The following FAM216A variants were observed in gnomAD, a reference collection of about 807,000 sequenced individuals.
The protein encoded by FAM216A is protein FAM216A.
A neutral mutation model predicts 37.6 loss-of-function variants in FAM216A; 26 were observed. The observed-to-expected ratio is 0.69, with a 90% confidence interval of 0.51 to 0.96. FAM216A has a LOEUF of 0.96. Ranked by LOEUF, FAM216A falls within the 40% of genes least tolerant of loss-of-function variation. FAM216A has a pLI of 0.00. For missense variants in FAM216A, 326 were observed against 339.3 expected (o/e 0.96, Z 0.31); for synonymous variants, 110 against 121.7 (o/e 0.90, Z 0.64).
chr12:110,478,231 G>A (rs1427671450), intron 2 of FAM216A, among the ~76,000 whole-genome samples: 1 of 152,072 alleles, frequency 6.6e-6, no homozygotes. Flanking sequence ...CTTTAAAGAT[G>A]GCTCTTGTTC....
At chr12:110,469,400 G>A (rs2062665746) in intron 1 of FAM216A, 2 of 211,148 alleles carry the variant, frequency 9.5e-6, no homozygotes, top group Non-Finnish European at 9.3e-6. Context: ...GGAGGAAGAT[G>A]TCCCCCGGTT....
At chr12:110,476,040 T>C (rs2062713025) in intron 2 of FAM216A, among the ~76,000 whole-genome samples, 1 of 150,246 alleles carries the variant, frequency 6.7e-6, no homozygotes, top group Admixed American at 6.6e-5. Flanking sequence ...GCCTGGCCTA[T>C]CTTAACTACA....
At position 110,490,004 on chromosome 12, in the gene FAM216A, T is replaced by A; in HGVS notation, c.704-15T>A. ...TTCCAAAACAGACAATTGTAAATTCTTATTTTTCCTTCAGTTTCTTCAGAT... is the reference window on the plus strand; with the variant it reads ...TTCCAAAACAGACAATTGTAAATTCATATTTTTCCTTCAGTTTCTTCAGAT... On this transcript the variant is annotated splice_polypyrimidine_tract_variant and intron_variant, in intron 6 of 6. Coordinates refer to ENST00000377673, the MANE Select transcript of FAM216A (RefSeq NM_013300.3). 2 of 1,171,304 alleles carry A rather than the reference T, an allele frequency of 1.7e-6. No individual in the cohort carries two copies. The highest frequency in any genetic ancestry group is 2.6e-6 in the Non-Finnish European group (2 of 781,952). 72.6% of individuals were successfully genotyped at this position (1,171,304 alleles called of 1,614,324 possible). A position where few individuals can be genotyped will look rare whatever the true frequency, so the allele number is the denominator to read the frequency against.
chr12:110,473,443 C>T (rs2062698026), intron 2 of FAM216A, among the ~76,000 whole-genome samples: 1 of 152,168 alleles, frequency 6.6e-6, no homozygotes, highest in African/African-American at 2.4e-5. Context: ...AGCTCCTGAC[C>T]TCAGGTGATC....
Position 110,469,030 on chromosome 12 carries a change from G to A in FAM216A, c.143+12G>A. ...GGTGGCGGCGGCGGGTGAGGTTGGG[G>A]GCCCCGGGGTAAGGGTGGCAGCATG... On this transcript the variant is annotated intron_variant, in intron 1 of 6. Transcript: ENST00000377673. 3.4e-6 allele frequency: 5 copies of A among 1,458,254 alleles called. No individual in the cohort carries two copies. The highest frequency in any genetic ancestry group is 1.3e-5 in the South Asian group (1 of 74,238). 90.3% of individuals were successfully genotyped at this position (1,458,254 alleles called of 1,614,324 possible). A position where few individuals can be genotyped will look rare whatever the true frequency, so the allele number is the denominator to read the frequency against.
chr12:110,470,925 A>C (rs951507892), intron 1 of FAM216A, among the ~76,000 whole-genome samples: 3 of 152,140 alleles, frequency 2.0e-5, no homozygotes, highest in Non-Finnish European at 4.4e-5. Context: ...CAGAAATACA[A>C]AATAAAATTT....
intron 2 of FAM216A, among the ~76,000 whole-genome samples, chr12:110,484,624 A>C (rs149610664): frequency 2.6e-5 from 4 of 152,020 alleles, no homozygotes; most frequent in Non-Finnish European, 2.9e-5. Flanking sequence ...ATATTTATTT[A>C]CAAGTATCTT....
At chr12:110,484,480 T>C (rs1397656999) in intron 2 of FAM216A, among the ~76,000 whole-genome samples, 1 of 111,300 alleles carries the variant, frequency 9.0e-6, no homozygotes, top group Admixed American at 9.0e-5. Flanking sequence ...TAAATGATAA[T>C]AAAATATTAC....
chr12:110,473,082 G>C lies in FAM216A; in HGVS notation c.148G>C (p.Ala50Pro), dbSNP rs1487159070. The C allele has an allele frequency of 3.9e-6, 6 of 1,550,434 alleles. No individual in the cohort carries two copies. In the Admixed American group the frequency reaches 1.0e-4, roughly 27 times the overall value. The change falls in exon 2 of 7, where the codon GCT becomes CCT. Residue 50 changes from alanine to proline, a missense_variant. Ala to Pro is a conservative substitution (Grantham distance 27). Coordinates refer to ENST00000377673, the MANE Select transcript of FAM216A (RefSeq NM_013300.3). ...AGTEGGGGGS[A>P]GYSCYQNSKG... ...TATGCTTTATTTTTTCAACAGATCA[G>C]CTGGATACTCTTGTTACCAGAATTC...
At chr12:110,472,751 G>A (rs2062693441) in intron 1 of FAM216A, among the ~76,000 whole-genome samples, 1 of 151,978 alleles carries the variant, frequency 6.6e-6, no homozygotes, top group Admixed American at 6.6e-5. Context: ...TTGGGAGGCT[G>A]AGGCAGGCAG....
chr12:110,473,462 T>G (rs1317513997), intron 2 of FAM216A, among the ~76,000 whole-genome samples: 2 of 152,206 alleles, frequency 1.3e-5, no homozygotes, highest in Non-Finnish European at 2.9e-5. Flanking sequence ...TCCACCTGCC[T>G]CCGCCTCCCA....
chr12:110,489,984 A>G (rs2062802709), intron 6 of FAM216A, 35 bp from the exon 7 acceptor site: 1 of 1,040,820 alleles, frequency 9.6e-7, no homozygotes, highest in Non-Finnish European at 1.5e-6. Context: ...TTTATTTCCA[A>G]AACAGACAAT....
chr12:110,477,793 C>T (rs1006169354), intron 2 of FAM216A, among the ~76,000 whole-genome samples: 10 of 151,870 alleles, frequency 6.6e-5, no homozygotes, highest in African/African-American at 1.9e-4. Flanking sequence ...CTGCAAGCTC[C>T]GCCTCCCGGG....
At chr12:110,468,735 C>T (rs770895205), upstream of FAM216A, 1 of 1,491,670 alleles carries the variant, frequency 6.7e-7, no homozygotes, top group Non-Finnish European at 8.9e-7. Flanking sequence ...ACCGTAACTC[C>T]GGGGTCGCGG....
rs1432559028 is a variant in FAM216A at position 110,490,120 on chromosome 12, C to T, written c.805C>T (p.His269Tyr). The T allele has an allele frequency of 2.6e-6, 4 of 1,532,606 alleles. No individual in the cohort carries two copies. Among genetic ancestry groups the T allele is most frequent in the Admixed American group, 1.7e-5 (1 of 59,886 alleles). 94.9% of individuals were successfully genotyped at this position (1,532,606 alleles called of 1,614,324 possible). Residue 269 changes from histidine to tyrosine, a missense_variant, in exon 7 of 7, where the codon CAT (histidine) becomes TAT (tyrosine). Coordinates refer to ENST00000377673, the MANE Select transcript of FAM216A (RefSeq NM_013300.3). ...AATGTCAATTGAAGAACAGGGAGAACATCTGATGTTAACTTGACAGTCTTG... is the reference window on the plus strand; with the variant it reads ...AATGTCAATTGAAGAACAGGGAGAATATCTGATGTTAACTTGACAGTCTTG... ...QSMSIEEQGE[H>Y]LMLT is the part of the protein sequence containing the mutation.
intron 1 of FAM216A, 79 bp from the exon 2 acceptor site, chr12:110,472,999 A>C (rs1350894264): frequency 3.2e-6 from 2 of 622,542 alleles, no homozygotes; most frequent in Non-Finnish European, 5.1e-6. Context: ...AAAAAAAAAA[A>C]AAAAATTGAA....
chr12:110,487,857 A>G lies in FAM216A; in HGVS notation c.621-4A>G. ...TCCAACTAAGATACTTCCCTTTCTT[A>G]TAGGATAAAAACTGGATATGCATCT... On this transcript the variant is annotated splice_polypyrimidine_tract_variant and splice_region_variant and intron_variant, in intron 5 of 6. Coordinates refer to ENST00000377673, the MANE Select transcript of FAM216A (RefSeq NM_013300.3). 6.4e-7 allele frequency: 1 copy of G among 1,562,382 alleles called. No homozygotes were observed. Among genetic ancestry groups the G allele is most frequent in the Non-Finnish European group, 8.8e-7 (1 of 1,136,676 alleles).
chr12:110,486,376 A>C lies in FAM216A; in HGVS notation c.358A>C (p.Ile120Leu). 5 of 1,614,064 alleles carry C rather than the reference A, an allele frequency of 3.1e-6. No individual in the cohort carries two copies. The highest frequency in any genetic ancestry group is 4.2e-6 in the Non-Finnish European group (5 of 1,179,930). Residue 120 changes from isoleucine (I) to leucine (L), a missense_variant, in exon 4 of 7, where the codon ATC (isoleucine) becomes CTC (leucine). Coordinates refer to ENST00000377673, the MANE Select transcript of FAM216A (RefSeq NM_013300.3). The stretch of plus-strand genomic sequence containing the variant: ...GCGTTACCTGTGCAGCATTGCTAAA[A>C]TCTATAATGCAAACTATCTGAAGAT... ...QKRYLCSIAKIYNANYLKMLM... is the reference protein window; with the variant it reads ...QKRYLCSIAKLYNANYLKMLM...
At chr12:110,482,737 G>A (rs2062754601) in intron 2 of FAM216A, among the ~76,000 whole-genome samples, 1 of 151,210 alleles carries the variant, frequency 6.6e-6, no homozygotes, top group Non-Finnish European at 1.5e-5. Flanking sequence ...GGAGCTTGCA[G>A]TGAGCCGAAA....
Sources: gnomAD v4.1 joint callset for allele counts (sites outside exome capture counted in the v4.1 genomes callset) on GRCh38, gnomAD v4.1.1 for gene constraint, MANE v1.5 for transcripts, NCBI Gene and HGNC (gene_info 2026-07-23, HGNC 2026-07-21) for gene names.